Variants in TTC14 observed in about 807,000 individuals in gnomAD.
The protein encoded by TTC14 is tetratricopeptide repeat domain 14.
Under a neutral mutation model 79.9 loss-of-function variants are expected in TTC14, and 63 were observed. The ratio of observed to expected loss-of-function variants is 0.79; its 90% CI spans 0.64 to 0.97. TTC14 has a LOEUF of 0.97. Ranked by LOEUF, TTC14 falls within the 50% of genes least tolerant of loss-of-function variation. The pLI is 0.00. For synonymous variants in TTC14, 335 were observed against 309.6 expected (o/e 1.08, Z -0.86); for missense variants, 895 against 894.0 (o/e 1.00, Z -0.01).
chr3:180,604,162 A>G, intron 3 of TTC14, 63 bp from the exon 4 acceptor site: 1 of 1,402,320 alleles, frequency 7.1e-7, no homozygotes, highest in Non-Finnish European at 1.0e-6. Flanking sequence ...ACTAAGATAA[A>G]AGAAGACACT....
At position 180,604,982 on chromosome 3, in the gene TTC14, C is replaced by G; in HGVS notation, c.832C>G (p.Pro278Ala). The G allele has an allele frequency of 6.2e-7, 1 of 1,613,298 alleles. No homozygotes were observed. Among genetic ancestry groups the G allele is most frequent in the South Asian group, 1.1e-5 (1 of 90,994 alleles). The stretch of plus-strand genomic sequence containing the variant: ...ACTAGGAATAGATGAATCTAATCCA[C>G]CATCTTTAATGAGAGGCCTACAAAG... Reference protein sequence around the residue: ...EKLGIDESNPPSLMRGLQSKN... With the variant: ...EKLGIDESNPASLMRGLQSKN... Residue 278 changes from proline to alanine, a missense_variant, in exon 6 of 12, where the codon CCA (proline) becomes GCA (alanine). Coordinates refer to ENST00000296015, the MANE Select transcript of TTC14 (RefSeq NM_133462.4).
At chr3:180,612,808 AACAG>A (rs1449023989), downstream of TTC14, among the ~76,000 whole-genome samples, 1 of 152,242 alleles carries the variant, frequency 6.6e-6, no homozygotes, top group Admixed American at 6.5e-5. Flanking sequence ...TAACACAGTG[AACAG>A]ACAACCTGCA....
chr3:180,602,522 G>A (rs1472162821), intron 1 of TTC14, 100 bp downstream of exon 1: 4 of 1,431,586 alleles, frequency 2.8e-6, no homozygotes, highest in South Asian at 2.8e-5. Flanking sequence ...GTGGAGCCGC[G>A]GCCGTGAGCA....
Position 180,610,659 on chromosome 3 carries a change from C to T in TTC14, c.*117C>T. 3.4e-6 allele frequency: 5 copies of T among 1,452,188 alleles called. No individual in the cohort carries two copies. Among genetic ancestry groups the T allele is most frequent in the South Asian group, 1.5e-5 (1 of 65,516 alleles). The allele number at this position is 1,452,188 out of a possible 1,614,324, so 90.0% of individuals were successfully genotyped here. A position where few individuals can be genotyped will look rare whatever the true frequency, so the allele number is the denominator to read the frequency against. On this transcript the variant is annotated 3_prime_UTR_variant, in exon 12 of 12. Transcript: ENST00000296015. ...CTTCTAAAATTATTTGTAGAGATTA[C>T]AGGAAACAAATGCTTTTAAGTAAGT...
intron 5 of TTC14, 86 bp downstream of exon 5, chr3:180,604,693 A>T: frequency 6.8e-7 from 1 of 1,473,138 alleles, no homozygotes; most frequent in Non-Finnish European, 9.1e-7. Context: ...CGGTTAAATT[A>T]CTTCAGACTT....
chr3:180,614,782 T>C, downstream of TTC14: 1 of 693,670 alleles, frequency 1.4e-6, no homozygotes, highest in South Asian at 2.4e-5. Flanking sequence ...AACGTTCCTT[T>C]TTTTTTAAAA....
At chr3:180,602,492 C>G (rs533779190) in intron 1 of TTC14, 70 bp downstream of exon 1, 1 of 1,495,870 alleles carries the variant, frequency 6.7e-7, no homozygotes, top group Non-Finnish European at 8.9e-7. Flanking sequence ...ACCGCAGCCC[C>G]GGGTTTGCGT....
intron 4 of TTC14, 24 bp downstream of exon 4, chr3:180,604,333 A>G: frequency 1.3e-6 from 2 of 1,596,162 alleles, no homozygotes; most frequent in Non-Finnish European, 1.7e-6. Flanking sequence ...TCATACTAAT[A>G]AAAAAGTAAT....
In TTC14 at chr3:180,606,690, G is replaced by A. The variant is rs1156306367; in HGVS notation, c.1172+87G>A. 3 of 1,450,536 alleles carry A rather than the reference G, an allele frequency of 2.1e-6. No homozygotes were observed. The Admixed American group carries it at 6.8e-5, about 33-fold the overall frequency. 89.9% of individuals were successfully genotyped at this position (1,450,536 alleles called of 1,614,324 possible). ...TGAACTTAAGGAAATAGTTTCTTAAGCACTTAATTTATAACACTCTTGGTT... is the reference window on the plus strand; with the variant it reads ...TGAACTTAAGGAAATAGTTTCTTAAACACTTAATTTATAACACTCTTGGTT... On this transcript the variant is annotated intron_variant, in intron 9 of 11. Coordinates refer to ENST00000296015, the MANE Select transcript of TTC14 (RefSeq NM_133462.4).
downstream of TTC14, chr3:180,613,675 T>G: frequency 2.9e-6 from 1 of 344,228 alleles, no homozygotes; most frequent in Admixed American, 4.1e-5. Flanking sequence ...TTAATATTAC[T>G]TCAAGTTTTA....
Position 180,605,004 on chromosome 3 carries a change from A to G in TTC14, c.854A>G (p.Gln285Arg). ...SNPPSLMRGL[Q>R]SKNFSEDDFA... ...CCACCATCTTTAATGAGAGGCCTAC[A>G]AAGGTATAGTACATCAGTATTACTC... Residue 285 changes from glutamine to arginine, a missense_variant, in exon 6 of 12, where the codon CAA becomes CGA. Physicochemically the swap from Gln to Arg is conservative, Grantham distance 43. Transcript: ENST00000296015. 2 of 1,612,030 alleles carry G rather than the reference A, an allele frequency of 1.2e-6. No homozygotes were observed. The highest frequency in any genetic ancestry group is 1.1e-5 in the South Asian group (1 of 90,886).
intron 11 of TTC14, 65 bp downstream of exon 11, chr3:180,608,875 A>G: frequency 7.6e-7 from 1 of 1,318,240 alleles, no homozygotes; most frequent in Non-Finnish European, 9.7e-7. Flanking sequence ...AAAGTGCCAT[A>G]CTGGAGGTAA....
Position 180,610,516 on chromosome 3 carries a change from G to T in TTC14, c.2287G>T (p.Glu763Ter). The part of the protein sequence containing the change: ...IFNQIAEFEK[E>*]KGNKSKN ...TAATCAGATAGCTGAATTTGAAAAA[G>T]AAAAAGGAAATAAGTCAAAAAATTA... Residue 763 changes from glutamate to a stop codon, truncating the protein, a stop_gained, in exon 12 of 12, where the codon GAA becomes TAA. Coordinates refer to ENST00000296015, the MANE Select transcript of TTC14 (RefSeq NM_133462.4). LOFTEE classifies it high-confidence loss of function. 6.3e-7 allele frequency: 1 copy of T among 1,575,340 alleles called. No individual in the cohort carries two copies. The highest frequency in any genetic ancestry group is 2.2e-5 in the East Asian group (1 of 44,640).
At chr3:180,602,501 G>C in intron 1 of TTC14, 79 bp downstream of exon 1, 1 of 1,480,288 alleles carries the variant, frequency 6.8e-7, no homozygotes, top group Non-Finnish European at 8.9e-7. Flanking sequence ...CCGGGTTTGC[G>C]TCTAGAGGAA....
chr3:180,607,765 G>A lies in TTC14; in HGVS notation c.1290G>A (p.Gln430=). 6.2e-7 allele frequency: 1 copy of A among 1,605,316 alleles called. No homozygotes were observed. The highest frequency in any genetic ancestry group is 8.5e-7 in the Non-Finnish European group (1 of 1,177,466). The part of the protein sequence containing the change: ...DALQKLHKYM[Q]KSLELREKQA... ...TGCAGAAACTTCATAAATATATGCA[G>A]GTGATTCCTTATTTCCTCTTAGAAA... Residue 430 remains glutamine, a splice_region_variant and synonymous_variant, in exon 10 of 12, where the codon CAG becomes CAA. Coordinates refer to ENST00000296015, the MANE Select transcript of TTC14 (RefSeq NM_133462.4).
intron 11 of TTC14, chr3:180,609,107 G>A: frequency 1.2e-6 from 1 of 858,210 alleles, no homozygotes; most frequent in South Asian, 4.7e-5. Context: ...TCTCAACTAG[G>A]GGTGGATTTA....
Position 180,611,032 on chromosome 3 carries a change from T to G in TTC14, c.*490T>G, listed in dbSNP as rs1716975148. Reference sequence around the variant, plus strand: ...TATATTTATCAGTTTAAATATTACATTTTTTGCCCAATTTTTTTTAAAATT... The same window carrying G: ...TATATTTATCAGTTTAAATATTACAGTTTTTGCCCAATTTTTTTTAAAATT... On this transcript the variant is annotated 3_prime_UTR_variant, in exon 12 of 12. Coordinates refer to ENST00000296015, the MANE Select transcript of TTC14 (RefSeq NM_133462.4). 1 of 943,738 alleles carries G rather than the reference T, an allele frequency of 1.1e-6. No homozygotes were observed. Among genetic ancestry groups the G allele is most frequent in the Non-Finnish European group, 1.3e-6 (1 of 792,080 alleles). 58.5% of individuals were successfully genotyped at this position (943,738 alleles called of 1,614,324 possible).
chr3:180,609,026 A>C, intron 11 of TTC14: 1 of 1,042,878 alleles, frequency 9.6e-7, no homozygotes, highest in Non-Finnish European at 1.2e-6. Context: ...AGAGTATCTT[A>C]GAATTAAAAT....
chr3:180,605,735 T>G lies in TTC14; in HGVS notation c.858-31T>G, dbSNP rs936470321. Reference sequence around the variant, plus strand: ...TAGTTACTTAAAAAATATTTGTGGTTTAACTTTTTAATTTTTATTTTCTTT... The same window carrying G: ...TAGTTACTTAAAAAATATTTGTGGTGTAACTTTTTAATTTTTATTTTCTTT... On this transcript the variant is annotated intron_variant, in intron 6 of 11. Coordinates refer to ENST00000296015, the MANE Select transcript of TTC14 (RefSeq NM_133462.4). 4 of 1,524,614 alleles carry G rather than the reference T, an allele frequency of 2.6e-6. No individual in the cohort carries two copies. In the African/African-American group the frequency reaches 4.3e-5, roughly 16 times the overall value. The allele number at this position is 1,524,614 out of a possible 1,614,324, so 94.4% of individuals were successfully genotyped here.
Sources: allele counts gnomAD v4.1 joint callset (sites outside exome capture counted in the v4.1 genomes callset), GRCh38; gene constraint gnomAD v4.1.1; transcripts MANE v1.5; gene names NCBI Gene and HGNC (gene_info 2026-07-23, HGNC 2026-07-21).